Variants in MYH16 observed in about 807,000 individuals in gnomAD.
The protein encoded by MYH16 is myosin heavy chain 16.
At chr7:99,262,670 C>A (rs1791949154) in intron 13 of MYH16, among the ~76,000 whole-genome samples, 1 of 152,202 alleles carries the variant, frequency 6.6e-6, no homozygotes, top group Non-Finnish European at 1.5e-5. Flanking sequence ...ACCTGAAAGA[C>A]TCCTTCCTCC....
chr7:99,246,558 C>T (rs1288825526), intron 2 of MYH16, among the ~76,000 whole-genome samples: 31 of 151,980 alleles, frequency 2.0e-4, no homozygotes, highest in Admixed American at 6.6e-5. Flanking sequence ...AAAAATTAGC[C>T]GGGCGTGGTG....
intron 2 of MYH16, among the ~76,000 whole-genome samples, chr7:99,244,418 C>A (rs1282315610): frequency 6.6e-6 from 1 of 152,244 alleles, no homozygotes; most frequent in Admixed American, 6.5e-5. Context: ...TGCAGCTTAA[C>A]TCCCAAAATG....
chr7:99,294,519 A>AAG (rs1792445603), intron 33 of MYH16, among the ~76,000 whole-genome samples: 6 of 130,992 alleles, frequency 4.6e-5, no homozygotes, highest in African/African-American at 1.3e-4. Flanking sequence ...AAAAAAAAAA[A>AAG]AAAAAGAAAA....
rs185024028 is a variant in MYH16, at chr7:99,269,224, C to A, written n.2267-1733C>A. On this transcript the variant is annotated intron_variant and non_coding_transcript_variant, in intron 18 of 41. Coordinates refer to ENST00000439784, the Ensembl canonical transcript of MYH16. ...TCATGTCTTTCCTCTCCCATCCCCT[C>A]CCTACCCCCAGGAGTAACCCTGTCT... is the stretch of plus-strand genomic sequence containing the variant. Among the ~76,000 whole-genome samples the A allele has an allele frequency of 2.2e-3, 335 of 152,294 alleles. 1 individual carries two copies. The highest frequency in any genetic ancestry group is 7.9e-3 in the African/African-American group (328 of 41,558).
downstream of MYH16, among the ~76,000 whole-genome samples, chr7:99,309,536 C>G (rs1400354525): frequency 6.6e-6 from 1 of 152,206 alleles, no homozygotes. Context: ...CTTGTCTCTG[C>G]ATTAATGTGT....
At position 99,302,311 on chromosome 7, in the gene MYH16, A is replaced by AAT. The variant is rs1554340309; in HGVS notation, n.5137+513_5137+514dup. On this transcript the variant is annotated intron_variant and non_coding_transcript_variant, in intron 38 of 41. Coordinates refer to ENST00000439784, the Ensembl canonical transcript of MYH16. ...AGAGTGACCATCTCAAAAAAAAAAA[A>AAT]ATATATACACACACACACACACACA... is the stretch of plus-strand genomic sequence containing the variant. Among the ~76,000 whole-genome samples the AAT allele has an allele frequency of 3.7e-4, 40 of 109,568 alleles. 1 individual carries two copies. Among genetic ancestry groups the AAT allele is most frequent in the African/African-American group, 1.3e-3 (29 of 21,974 alleles). 71.9% of individuals were successfully genotyped at this position (109,568 alleles called of 152,430 possible). A position where few individuals can be genotyped will look rare whatever the true frequency, so the allele number is the denominator to read the frequency against.
chr7:99,298,825 G>A (rs1472718247), intron 36 of MYH16, among the ~76,000 whole-genome samples: 1 of 150,092 alleles, frequency 6.7e-6, no homozygotes, highest in Non-Finnish European at 1.5e-5. Context: ...GTGCAGGTTA[G>A]TTACATATGT....
chr7:99,264,885 G>A (rs1435505715), intron 15 of MYH16, among the ~76,000 whole-genome samples: 2 of 152,186 alleles, frequency 1.3e-5, no homozygotes, highest in Non-Finnish European at 2.9e-5. Context: ...CCTTGAGCAA[G>A]TCATTGGACC....
At chr7:99,260,184 A>G (rs1365743775) in exon 12 of MYH16, 36 of 1,609,498 alleles carry the variant, frequency 2.2e-5, no homozygotes, top group Non-Finnish European at 2.7e-5. Context: ...TTGAGCAGCT[A>G]TGCATCAACT....
At chr7:99,249,538 CAAA>C (rs1222006408) in intron 4 of MYH16, among the ~76,000 whole-genome samples, 5 of 50,270 alleles carry the variant, frequency 9.9e-5, no homozygotes, top group Admixed American at 5.0e-4. Flanking sequence ...GACCCTCTCT[CAAA>C]AAAAAAAAAA....
rs1229443636 is a variant in MYH16, at chr7:99,260,307, TC to T, written n.1549del. The T allele has an allele frequency of 2.0e-6, 3 of 1,464,042 alleles. No individual in the cohort carries two copies. The Admixed American group carries it at 5.1e-5, about 25-fold the overall frequency. 90.7% of individuals were successfully genotyped at this position (1,464,042 alleles called of 1,614,324 possible). The stretch of plus-strand genomic sequence containing the variant: ...TCTTCATCGACTTTGGCCTCGACCT[TC>T]AGGCCTGCATCGACCTGCTGGAAAA... On this transcript the variant is annotated non_coding_transcript_exon_variant, in exon 12 of 42. Coordinates refer to ENST00000439784, the Ensembl canonical transcript of MYH16.
intron 11 of MYH16, among the ~76,000 whole-genome samples, chr7:99,258,810 T>TG (rs1554336543): frequency 6.8e-6 from 1 of 147,232 alleles, no homozygotes; most frequent in Non-Finnish European, 1.5e-5. Context: ...AGCTCACCAC[T>TG]AAAAAAAAAA....
At chr7:99,301,656 A>T (rs772316802) in exon 38 of MYH16, 1 of 153,236 alleles carries the variant, frequency 6.5e-6, no homozygotes, top group Non-Finnish European at 1.5e-5. Flanking sequence ...CTGCGGAAGC[A>T]GTACAACCTG....
At chr7:99,285,274 A>G (rs1792262113) in intron 26 of MYH16, 108 bp from the exon 9 acceptor site, 5 of 428,638 alleles carry the variant, frequency 1.2e-5, no homozygotes, top group Non-Finnish European at 2.3e-5. Flanking sequence ...TGCTTTTGAC[A>G]GTGGCTGTCA....
chr7:99,307,423 T>C (rs939901990), downstream of MYH16, among the ~76,000 whole-genome samples: 2 of 152,122 alleles, frequency 1.3e-5, no homozygotes, highest in Non-Finnish European at 2.9e-5. Flanking sequence ...TGGAGATAAA[T>C]ATATAAAAGT....
At chr7:99,288,444 A>T (rs992633841) in intron 29 of MYH16, among the ~76,000 whole-genome samples, 2 of 151,322 alleles carry the variant, frequency 1.3e-5, no homozygotes, top group Non-Finnish European at 2.9e-5. Flanking sequence ...TCTCTAAAAT[A>T]AAATAAAATA....
Position 99,292,560 on chromosome 7 carries a change from T to C in MYH16, n.4149+52T>C, listed in dbSNP as rs115937617. On this transcript the variant is annotated intron_variant and non_coding_transcript_variant, in intron 32 of 41. Coordinates refer to ENST00000439784, the Ensembl canonical transcript of MYH16. ...GCCAGGTGGGCTGGGCAGGTGGTGC[T>C]GGGGGCCTCACCACCATGTCAGTCA... 3,543 of 446,496 alleles carry C rather than the reference T, an allele frequency of 7.9e-3. 98 individuals carry two copies. Among genetic ancestry groups the C allele is most frequent in the African/African-American group, 0.065 (3,238 of 50,028 alleles). 27.7% of individuals were successfully genotyped at this position (446,496 alleles called of 1,614,324 possible).
rs1445005005 is a variant in MYH16, at chr7:99,291,389, T to G, written n.3891T>G. On this transcript the variant is annotated non_coding_transcript_exon_variant, in exon 31 of 42. Transcript: ENST00000439784. Reference sequence around the variant, plus strand: ...AGCCGGCTCAATCAAATCCTACGGATAAAGACATCTCTGACGTCACAAGTG... The same window carrying G: ...AGCCGGCTCAATCAAATCCTACGGAGAAAGACATCTCTGACGTCACAAGTG... The G allele has an allele frequency of 6.6e-6, 3 of 456,624 alleles. No individual in the cohort carries two copies. In the East Asian group the frequency reaches 2.1e-4, roughly 32 times the overall value. The allele number at this position is 456,624 out of a possible 1,614,324, so 28.3% of individuals were successfully genotyped here. A position where few individuals can be genotyped will look rare whatever the true frequency, so the allele number is the denominator to read the frequency against.
At chr7:99,250,077 T>C (rs1791792337) in intron 5 of MYH16, 1 of 152,704 alleles carries the variant, frequency 6.5e-6, no homozygotes, top group African/African-American at 2.4e-5. Flanking sequence ...GATAAGAAGG[T>C]AGAGCCGACC....
Sources: gnomAD v4.1 joint callset for allele counts (sites outside exome capture counted in the v4.1 genomes callset) on GRCh38, gnomAD v4.1.1 for gene constraint, MANE v1.5 for transcripts, NCBI Gene and HGNC (gene_info 2026-07-23, HGNC 2026-07-21) for gene names.